The following LRCH1 variants were observed in gnomAD, a reference collection of about 807,000 sequenced individuals.
LRCH1 encodes leucine-rich repeat and calponin homology domain-containing protein 1.
A neutral mutation model predicts 94.9 loss-of-function variants in LRCH1; 23 were observed. The observed-to-expected ratio is 0.24, with a 90% CI of 0.17 to 0.34. The LOEUF is 0.34. Ranked by LOEUF, LRCH1 falls within the 10% of genes least tolerant of loss-of-function variation. The pLI is 1.00. For synonymous variants in LRCH1, 364 were observed against 354.9 expected (o/e 1.03, Z -0.29); for missense variants, 790 against 945.9 (o/e 0.84, Z 2.16).
chr13:46,574,091 T>A (rs1566151073), intron 1 of LRCH1, among the ~76,000 whole-genome samples: 1 of 151,398 alleles, frequency 6.6e-6, no homozygotes, highest in Non-Finnish European at 1.5e-5. Context: ...CCTCAGGTGA[T>A]CCGCCTGCCT....
At chr13:46,628,948 A>C (rs1034235754) in intron 1 of LRCH1, among the ~76,000 whole-genome samples, 4 of 152,188 alleles carry the variant, frequency 2.6e-5, no homozygotes, top group African/African-American at 9.7e-5. Context: ...GCTAAACATC[A>C]TGGAATGTAC....
At position 46,553,242 on chromosome 13, in the gene LRCH1, C is replaced by CCATATA; in HGVS notation, c.-155_-154insCATATA. 10 of 568,598 alleles carry CCATATA rather than the reference C, an allele frequency of 1.8e-5. No homozygotes were observed. Among genetic ancestry groups the CCATATA allele is most frequent in the East Asian group, 1.3e-4 (4 of 30,432 alleles). 35.2% of individuals were successfully genotyped at this position (568,598 alleles called of 1,614,324 possible). ...CACGGCCGCCTCCCCGCCCGCCCCC[C>CCATATA]ATTCTACGCGCCTGCCCACACCCTC... is the stretch of plus-strand genomic sequence containing the variant. On this transcript the variant is annotated 5_prime_UTR_variant, in exon 1 of 20. Coordinates refer to ENST00000389797, the MANE Select transcript of LRCH1 (RefSeq NM_001164211.2).
chr13:46,612,604 C>T (rs939393873), intron 1 of LRCH1, among the ~76,000 whole-genome samples: 51 of 152,168 alleles, frequency 3.4e-4, no homozygotes, highest in African/African-American at 1.2e-3. Flanking sequence ...TAGACCACTC[C>T]AAGGACCACT....
intron 13 of LRCH1, among the ~76,000 whole-genome samples, chr13:46,708,626 A>G (rs1871900276): frequency 6.6e-6 from 1 of 152,108 alleles, no homozygotes; most frequent in African/African-American, 2.4e-5. Flanking sequence ...TAACTACCCA[A>G]TTCCAATGGT....
intron 1 of LRCH1, among the ~76,000 whole-genome samples, chr13:46,644,430 G>A (rs914848179): frequency 6.6e-6 from 1 of 152,030 alleles, no homozygotes; most frequent in Non-Finnish European, 1.5e-5. Flanking sequence ...TTCCATTTCC[G>A]TAGCTATCCC....
intron 17 of LRCH1, among the ~76,000 whole-genome samples, chr13:46,727,004 G>A (rs569635959): frequency 6.6e-6 from 1 of 152,132 alleles, no homozygotes; most frequent in Non-Finnish European, 1.5e-5. Flanking sequence ...CAAACTGTAG[G>A]CAAAAAAGAC....
chr13:46,675,698 C>G (rs190823986), intron 3 of LRCH1, among the ~76,000 whole-genome samples: 1 of 152,188 alleles, frequency 6.6e-6, no homozygotes, highest in African/African-American at 2.4e-5. Flanking sequence ...CATAAATTCA[C>G]GTGCTCGCCA....
chr13:46,712,395 A>T (rs911736595), intron 14 of LRCH1, 130 bp from the exon 15 acceptor site: 12 of 682,958 alleles, frequency 1.8e-5, no homozygotes, highest in Admixed American at 2.6e-5. Flanking sequence ...TTTGGCCAGG[A>T]CTTCATCACA....
chr13:46,599,530 G>A (rs2050603069), intron 1 of LRCH1, among the ~76,000 whole-genome samples: 1 of 151,750 alleles, frequency 6.6e-6, no homozygotes, highest in Admixed American at 6.6e-5. Context: ...ATTTTTTTTG[G>A]TAGCTGACTG....
chr13:46,636,969 C>A (rs903407813), intron 1 of LRCH1, among the ~76,000 whole-genome samples: 1 of 152,122 alleles, frequency 6.6e-6, no homozygotes, highest in Non-Finnish European at 1.5e-5. Flanking sequence ...AACATTTGTC[C>A]CGAGGCCCAG....
intron 1 of LRCH1, among the ~76,000 whole-genome samples, chr13:46,587,490 A>C (rs1411893067): frequency 6.6e-6 from 1 of 152,236 alleles, no homozygotes; most frequent in East Asian, 1.9e-4. Context: ...GAAAAAACTT[A>C]ATAGAGTTTC....
intron 8 of LRCH1, among the ~76,000 whole-genome samples, chr13:46,693,490 A>G (rs1429390793): frequency 2.6e-5 from 4 of 152,338 alleles, no homozygotes; most frequent in Non-Finnish European, 5.9e-5. Flanking sequence ...CCATGGCCAC[A>G]TCGCACTGCA....
At chr13:46,644,721 G>T (rs2051199872) in intron 1 of LRCH1, among the ~76,000 whole-genome samples, 1 of 152,216 alleles carries the variant, frequency 6.6e-6, no homozygotes, top group Middle Eastern at 3.2e-3. Context: ...TCAGTGGACA[G>T]GGTGGTCTGC....
intron 14 of LRCH1, among the ~76,000 whole-genome samples, chr13:46,712,282 A>G (rs1352744512): frequency 6.6e-6 from 1 of 152,208 alleles, no homozygotes; most frequent in African/African-American, 2.4e-5. Flanking sequence ...AGTGTCACGT[A>G]ATTGTAAAAT....
intron 7 of LRCH1, among the ~76,000 whole-genome samples, chr13:46,691,406 A>G (rs1020022011): frequency 3.3e-5 from 5 of 152,216 alleles, no homozygotes; most frequent in Non-Finnish European, 7.3e-5. Context: ...GCATTTTTAT[A>G]TATGTGATGC....
chr13:46,667,787 A>C (rs1315092050), intron 2 of LRCH1, among the ~76,000 whole-genome samples: 1 of 152,238 alleles, frequency 6.6e-6, no homozygotes, highest in Non-Finnish European at 1.5e-5. Context: ...TGATGATAAA[A>C]GCACTTGTAG....
At chr13:46,585,457 G>A (rs2050422867) in intron 1 of LRCH1, among the ~76,000 whole-genome samples, 1 of 150,134 alleles carries the variant, frequency 6.7e-6, no homozygotes, top group Non-Finnish European at 1.5e-5. Context: ...GGCGCCTGTA[G>A]TCCCAGCTAC....
chr13:46,704,123 C>A (rs1014786818), intron 11 of LRCH1, among the ~76,000 whole-genome samples: 1 of 152,016 alleles, frequency 6.6e-6, no homozygotes, highest in Non-Finnish European at 1.5e-5. Context: ...TATAATATGA[C>A]ATCTAATTTT....
intron 1 of LRCH1, among the ~76,000 whole-genome samples, chr13:46,570,398 G>C (rs954346798): frequency 6.6e-6 from 1 of 152,140 alleles, no homozygotes; most frequent in Non-Finnish European, 1.5e-5. Context: ...CTAAGAATCA[G>C]ATCTCCAAAA....
Sources: allele counts gnomAD v4.1 joint callset (sites outside exome capture counted in the v4.1 genomes callset), GRCh38; gene constraint gnomAD v4.1.1; transcripts MANE v1.5; gene names NCBI Gene and HGNC (gene_info 2026-07-23, HGNC 2026-07-21).